PRKCE: variants seen among roughly 807,000 people sequenced by gnomAD.
PRKCE encodes the protein protein kinase C epsilon type.
PRKCE carries 16 observed loss-of-function variants against 85.4 expected under a neutral mutation model. That is an observed-to-expected ratio of 0.19 (90% CI 0.13 to 0.28). PRKCE has a LOEUF of 0.28. Ranked by LOEUF, PRKCE falls within the 10% of genes least tolerant of loss-of-function variation. The pLI, the probability that PRKCE is intolerant of heterozygous loss-of-function variation, is 1.00. For synonymous variants in PRKCE, 388 were observed against 371.5 expected (o/e 1.04, Z -0.51); for missense variants, 573 against 975.2 (o/e 0.59, Z 5.49).
chr2:45,699,087 G>T (rs537073599), intron 1 of PRKCE, among the ~76,000 whole-genome samples: 6 of 152,016 alleles, frequency 3.9e-5, no homozygotes, highest in Admixed American at 1.3e-4. Context: ...CAGGTGGGGT[G>T]GTTTGCTGTT....
chr2:46,020,287 G>A (rs776615795), intron 10 of PRKCE, among the ~76,000 whole-genome samples: 5 of 152,160 alleles, frequency 3.3e-5, no homozygotes, highest in Non-Finnish European at 7.3e-5. Context: ...ACCTGGCTGT[G>A]CAGCTCCATG....
chr2:45,755,675 C>T (rs1227013882), intron 1 of PRKCE, among the ~76,000 whole-genome samples: 1 of 152,146 alleles, frequency 6.6e-6, no homozygotes, highest in Non-Finnish European at 1.5e-5. Flanking sequence ...CAGCGATTCC[C>T]CTTGATTTCT....
chr2:46,016,175 A>G (rs1298051868), intron 10 of PRKCE, among the ~76,000 whole-genome samples: 1 of 152,150 alleles, frequency 6.6e-6, no homozygotes, highest in Non-Finnish European at 1.5e-5. Flanking sequence ...ATTTATTCTA[A>G]TCAGCCAATT....
chr2:45,881,429 T>G (rs1398466730), intron 2 of PRKCE, among the ~76,000 whole-genome samples: 1 of 152,194 alleles, frequency 6.6e-6, no homozygotes, highest in Non-Finnish European at 1.5e-5. Context: ...ATTACCATTT[T>G]TGGATATAAT....
chr2:45,916,046 C>T (rs1697746622), intron 2 of PRKCE, among the ~76,000 whole-genome samples: 1 of 152,012 alleles, frequency 6.6e-6, no homozygotes, highest in Non-Finnish European at 1.5e-5. Flanking sequence ...TTTAGGATGG[C>T]TCTAGGGCTC....
At chr2:46,163,067 C>A (rs1677934841) in intron 14 of PRKCE, among the ~76,000 whole-genome samples, 1 of 152,246 alleles carries the variant, frequency 6.6e-6, no homozygotes, top group Admixed American at 6.5e-5. Flanking sequence ...TTTCATACGC[C>A]ATCGCGCCCC....
At chr2:45,784,776 C>G (rs1240350967) in intron 1 of PRKCE, among the ~76,000 whole-genome samples, 4 of 152,086 alleles carry the variant, frequency 2.6e-5, no homozygotes, top group Non-Finnish European at 5.9e-5. Flanking sequence ...AAAAATGAAC[C>G]TATGGGGATA....
intron 11 of PRKCE, among the ~76,000 whole-genome samples, chr2:46,123,482 T>G (rs936364196): frequency 6.6e-6 from 1 of 152,002 alleles, no homozygotes; most frequent in Non-Finnish European, 1.5e-5. Flanking sequence ...CTTTATGGGT[T>G]TCTTTCTTCC....
chr2:45,821,774 G>A (rs755404274), intron 1 of PRKCE, among the ~76,000 whole-genome samples: 28 of 152,296 alleles, frequency 1.8e-4, no homozygotes, highest in Non-Finnish European at 3.5e-4. Context: ...TCACCCTGGG[G>A]ACAGAGGGAA....
chr2:45,845,088 G>C (rs1189341399), intron 2 of PRKCE, among the ~76,000 whole-genome samples: 4 of 142,680 alleles, frequency 2.8e-5, no homozygotes, highest in South Asian at 2.2e-4. Context: ...TTAAATTGCT[G>C]TTCTTGGACT....
chr2:45,829,215 G>A (rs977430650), intron 1 of PRKCE, among the ~76,000 whole-genome samples: 1 of 152,190 alleles, frequency 6.6e-6, no homozygotes, highest in Non-Finnish European at 1.5e-5. Flanking sequence ...GGAATTGCAA[G>A]ATTAAAGGAT....
In PRKCE at chr2:46,186,987, C is replaced by T. The variant is rs554509036; in HGVS notation, c.*2106C>T. On this transcript the variant is annotated 3_prime_UTR_variant, in exon 15 of 15. Transcript: ENST00000306156. ...ACATGAGATTAATTTAATTTATCTTCGGTAACTTGACATTCTGGAGAGAGA... is the reference window on the plus strand; with the variant it reads ...ACATGAGATTAATTTAATTTATCTTTGGTAACTTGACATTCTGGAGAGAGA... 2.0e-5 allele frequency: 3 copies of T among 152,406 alleles called. No homozygotes were observed. Among genetic ancestry groups the T allele is most frequent in the East Asian group, 1.9e-4 (1 of 5,192 alleles). The allele number at this position is 152,406 out of a possible 1,614,324, so 9.4% of individuals were successfully genotyped here.
intron 2 of PRKCE, among the ~76,000 whole-genome samples, chr2:45,888,473 T>TC (rs1451426474): frequency 8.1e-4 from 117 of 145,118 alleles, no homozygotes; most frequent in African/African-American, 2.7e-3. Context: ...GTCTTTTTTT[T>TC]TTTTTTTTTT....
At chr2:46,046,204 A>G (rs975111762) in intron 10 of PRKCE, among the ~76,000 whole-genome samples, 2 of 152,252 alleles carry the variant, frequency 1.3e-5, no homozygotes, top group African/African-American at 4.8e-5. Context: ...GTTTCCTAAC[A>G]GATCAGCTGC....
chr2:45,727,765 C>T (rs960481261), intron 1 of PRKCE, among the ~76,000 whole-genome samples: 1 of 152,156 alleles, frequency 6.6e-6, no homozygotes, highest in African/African-American at 2.4e-5. Context: ...AGCGATTCTC[C>T]CGCTTCAGCC....
At chr2:45,924,607 C>A (rs987350650) in intron 2 of PRKCE, among the ~76,000 whole-genome samples, 1 of 152,164 alleles carries the variant, frequency 6.6e-6, no homozygotes, top group Non-Finnish European at 1.5e-5. Flanking sequence ...CACTTCCCTA[C>A]CCCATCAGGT....
intron 11 of PRKCE, among the ~76,000 whole-genome samples, chr2:46,093,321 A>G (rs569058312): frequency 2.0e-4 from 31 of 152,278 alleles, no homozygotes; most frequent in African/African-American, 7.2e-4. Context: ...ATGAGATAGT[A>G]TAAAGCTTAG....
At chr2:45,831,779 G>A (rs1386458059) in intron 1 of PRKCE, among the ~76,000 whole-genome samples, 1 of 152,114 alleles carries the variant, frequency 6.6e-6, no homozygotes, top group African/African-American at 2.4e-5. Flanking sequence ...GAGGAGTTAT[G>A]GGGCAGAGGA....
intron 1 of PRKCE, among the ~76,000 whole-genome samples, chr2:45,785,336 C>T (rs1166136809): frequency 6.6e-6 from 1 of 151,896 alleles, no homozygotes; most frequent in African/African-American, 2.4e-5. Context: ...ACTAAAATTA[C>T]AAAAATTAGC....
Sources: allele counts gnomAD v4.1 joint callset (sites outside exome capture counted in the v4.1 genomes callset), GRCh38; gene constraint gnomAD v4.1.1; transcripts MANE v1.5; gene names NCBI Gene and HGNC (gene_info 2026-07-23, HGNC 2026-07-21).